Variants in GALNTL6 observed in about 807,000 individuals in gnomAD.
GALNTL6 encodes polypeptide N-acetylgalactosaminyltransferase-like 6.
In GALNTL6, 46 loss-of-function variants were observed where a neutral mutation model predicts 73.7. The ratio of observed to expected loss-of-function variants is 0.62; its 90% CI spans 0.49 to 0.80. GALNTL6 has a LOEUF of 0.80. Among genes scored for constraint, GALNTL6 ranks in the 30% least tolerant of loss-of-function variants. GALNTL6 has a pLI of 0.00. For missense variants in GALNTL6, 604 were observed against 755.0 expected (o/e 0.80, Z 2.34); for synonymous variants, 259 against 263.7 (o/e 0.98, Z 0.17).
chr4:171,861,719 G>C (rs1001089913), intron 2 of GALNTL6, among the ~76,000 whole-genome samples: 6 of 151,974 alleles, frequency 3.9e-5, no homozygotes, highest in African/African-American at 1.4e-4. Flanking sequence ...AGGTATTTCT[G>C]TGTAAATCTA....
rs143191700 is a variant in GALNTL6, at chr4:172,011,287, A to G, written c.138+196569A>G. On this transcript the variant is annotated intron_variant, in intron 2 of 12. Coordinates refer to ENST00000506823, the MANE Select transcript of GALNTL6 (RefSeq NM_001034845.3). Reference sequence around the variant, plus strand: ...TTGGTCTGGAGACTGAAATTTGCGGAGGAAGAAAGTTGTTTGGGATCAGGT... The same window carrying G: ...TTGGTCTGGAGACTGAAATTTGCGGGGGAAGAAAGTTGTTTGGGATCAGGT... Among the ~76,000 whole-genome samples the G allele has an allele frequency of 7.3e-3, 1,111 of 152,200 alleles. 8 individuals carry two copies. The highest frequency in any genetic ancestry group is 0.011 in the Non-Finnish European group (724 of 67,990).
intron 2 of GALNTL6, among the ~76,000 whole-genome samples, chr4:171,896,268 A>T (rs115901215): frequency 6.6e-6 from 1 of 152,226 alleles, no homozygotes; most frequent in Non-Finnish European, 1.5e-5. Flanking sequence ...TTAATACTGC[A>T]TATTACTGTT....
chr4:171,974,162 G>T lies in GALNTL6; in HGVS notation c.138+159444G>T, dbSNP rs147399177. Among the ~76,000 whole-genome samples the T allele has an allele frequency of 2.0e-5, 3 of 151,296 alleles. No individual in the cohort carries two copies. In the East Asian group the frequency reaches 5.8e-4, roughly 29 times the overall value. ...CTACAGGCAAGTGCCACCACACCCA[G>T]CTAACCTTTTTTTTTTCTTTTTAAT... is the stretch of plus-strand genomic sequence containing the variant. On this transcript the variant is annotated intron_variant, in intron 2 of 12. Transcript: ENST00000506823.
At chr4:172,073,192 C>G (rs1458403930) in intron 2 of GALNTL6, among the ~76,000 whole-genome samples, 1 of 152,030 alleles carries the variant, frequency 6.6e-6, no homozygotes, top group Non-Finnish European at 1.5e-5. Flanking sequence ...AGAACTTTCC[C>G]AGCTCTGAGA....
At chr4:172,622,278 G>C (rs1242307801) in intron 5 of GALNTL6, among the ~76,000 whole-genome samples, 1 of 152,068 alleles carries the variant, frequency 6.6e-6, no homozygotes, top group Non-Finnish European at 1.5e-5. Context: ...CACAACTAAA[G>C]TTTCCAACTC....
At chr4:172,013,217 T>A (rs897390417) in intron 2 of GALNTL6, among the ~76,000 whole-genome samples, 1 of 152,066 alleles carries the variant, frequency 6.6e-6, no homozygotes, top group African/African-American at 2.4e-5. Flanking sequence ...TTTAAATATA[T>A]ACAATAAATT....
intron 10 of GALNTL6, among the ~76,000 whole-genome samples, chr4:173,008,186 G>A (rs143690670): frequency 1.4e-3 from 220 of 152,316 alleles, no homozygotes; most frequent in African/African-American, 4.5e-3. Flanking sequence ...GAACCATGCA[G>A]GGCTAAGTGG....
intron 2 of GALNTL6, among the ~76,000 whole-genome samples, chr4:171,846,868 T>G (rs999156805): frequency 3.4e-5 from 5 of 146,524 alleles, no homozygotes; most frequent in African/African-American, 1.2e-4. Flanking sequence ...TATAATTATA[T>G]GTATTTATAT....
intron 5 of GALNTL6, among the ~76,000 whole-genome samples, chr4:172,695,061 C>G (rs1733599411): frequency 6.6e-6 from 1 of 152,158 alleles, no homozygotes; most frequent in African/African-American, 2.4e-5. Context: ...ACCTCAAAAA[C>G]TTTTGCAAAA....
At chr4:172,966,929 T>TA (rs1750358176) in intron 10 of GALNTL6, among the ~76,000 whole-genome samples, 1 of 152,202 alleles carries the variant, frequency 6.6e-6, no homozygotes, top group South Asian at 2.1e-4. Flanking sequence ...AGGAGAGACC[T>TA]TTTTAGCAAC....
chr4:172,560,658 TTTG>T (rs564304309), intron 5 of GALNTL6, among the ~76,000 whole-genome samples: 96 of 152,320 alleles, frequency 6.3e-4, no homozygotes, highest in African/African-American at 1.8e-3. Context: ...TCTGAGATTT[TTTG>T]TTGTTGTTGT....
chr4:172,093,821 G>A (rs1054368127), intron 2 of GALNTL6, among the ~76,000 whole-genome samples: 4 of 152,190 alleles, frequency 2.6e-5, no homozygotes, highest in Non-Finnish European at 5.9e-5. Flanking sequence ...CATGCCTGAT[G>A]ACGTATCACT....
chr4:172,448,604 T>C (rs893921787), intron 5 of GALNTL6, among the ~76,000 whole-genome samples: 1 of 152,212 alleles, frequency 6.6e-6, no homozygotes, highest in African/African-American at 2.4e-5. Context: ...CTGTCCCCTC[T>C]ATTCGCTATC....
At chr4:172,055,897 A>T (rs1204949056) in intron 2 of GALNTL6, among the ~76,000 whole-genome samples, 1 of 152,180 alleles carries the variant, frequency 6.6e-6, no homozygotes, top group Non-Finnish European at 1.5e-5. Context: ...GGGAAAATGG[A>T]CAGAATGTAA....
intron 5 of GALNTL6, among the ~76,000 whole-genome samples, chr4:172,788,670 T>TAA (rs1560953312): frequency 0.016 from 818 of 49,814 alleles, 15 homozygotes; most frequent in African/African-American, 0.042. Context: ...AGACTCCGTC[T>TAA]CAAAAAAAAA....
At chr4:172,907,609 A>G (rs1389213588) in intron 8 of GALNTL6, among the ~76,000 whole-genome samples, 2 of 152,202 alleles carry the variant, frequency 1.3e-5, no homozygotes, top group African/African-American at 2.4e-5. Flanking sequence ...CAAGACCCCA[A>G]ATGGATGCCT....
chr4:172,256,081 T>C (rs1373149475), intron 3 of GALNTL6, among the ~76,000 whole-genome samples: 3 of 151,552 alleles, frequency 2.0e-5, no homozygotes, highest in African/African-American at 7.2e-5. Flanking sequence ...TTTTATAATA[T>C]GTTATGCGCA....
At chr4:172,426,330 T>C (rs114507547) in intron 5 of GALNTL6, among the ~76,000 whole-genome samples, 3,235 of 70,768 alleles carry the variant, frequency 0.046, 113 homozygotes, top group African/African-American at 0.1. Flanking sequence ...TTGGTGAATC[T>C]GTAGTCCATA....
intron 5 of GALNTL6, among the ~76,000 whole-genome samples, chr4:172,410,636 A>C (rs6852501): frequency 0.24 from 36,479 of 151,952 alleles, 4,834 homozygotes; most frequent in East Asian, 0.36. Context: ...CCAGAAATGT[A>C]ACTATACTTG....
Sources: allele counts gnomAD v4.1 joint callset (sites outside exome capture counted in the v4.1 genomes callset), GRCh38; gene constraint gnomAD v4.1.1; transcripts MANE v1.5; gene names NCBI Gene and HGNC (gene_info 2026-07-23, HGNC 2026-07-21).